The following MECOM variants were observed in gnomAD, a reference collection of about 807,000 sequenced individuals.
The protein encoded by MECOM is MDS1 and EVI1 complex locus, also known as histone-lysine N-methyltransferase MECOM.
In MECOM, 13 loss-of-function variants were observed where a neutral mutation model predicts 116.3. That is an observed-to-expected ratio of 0.11 (90% CI 0.07 to 0.18). MECOM has a LOEUF of 0.18. MECOM is among the 10% of genes least tolerant of loss of function. MECOM has a pLI of 1.00. For missense variants in MECOM, 1,299 were observed against 1,509.0 expected (o/e 0.86, Z 2.31); for synonymous variants, 528 against 535.2 (o/e 0.99, Z 0.19).
At chr3:169,427,943 G>A (rs114654258) in intron 1 of MECOM, among the ~76,000 whole-genome samples, 150 of 152,288 alleles carry the variant, frequency 9.8e-4, no homozygotes, top group Non-Finnish European at 1.9e-3. Context: ...TTAAAATGAA[G>A]TCACTAAGGT....
chr3:169,398,781 A>C (rs1735405110), intron 1 of MECOM, among the ~76,000 whole-genome samples: 1 of 152,142 alleles, frequency 6.6e-6, no homozygotes, highest in South Asian at 2.1e-4. Flanking sequence ...TAGAGGAGGA[A>C]ACTAAACCAA....
intron 2 of MECOM, among the ~76,000 whole-genome samples, chr3:169,280,054 GC>G (rs1477203835): frequency 1.3e-5 from 2 of 152,122 alleles, no homozygotes; most frequent in Non-Finnish European, 2.9e-5. Context: ...ATACAAATGG[GC>G]CAGCTAACAT....
chr3:169,239,648 A>G (rs1251799985), intron 2 of MECOM, among the ~76,000 whole-genome samples: 2 of 152,072 alleles, frequency 1.3e-5, no homozygotes, highest in Non-Finnish European at 2.9e-5. Flanking sequence ...ATAAACTAGC[A>G]AGCTTACCAT....
chr3:169,294,567 T>C (rs1715234688), intron 2 of MECOM, among the ~76,000 whole-genome samples: 2 of 152,196 alleles, frequency 1.3e-5, no homozygotes, highest in Admixed American at 1.3e-4. Flanking sequence ...CAGTCTGTTC[T>C]GTCCTCTCTC....
chr3:169,100,824 TA>T, intron 12 of MECOM, 60 bp downstream of exon 12: 1 of 968,746 alleles, frequency 1.0e-6, no homozygotes, highest in East Asian at 3.6e-5. Flanking sequence ...ATTTTATTAT[TA>T]AAATAAACTT....
intron 2 of MECOM, among the ~76,000 whole-genome samples, chr3:169,237,610 C>CAA (rs775383808): frequency 1.8e-3 from 144 of 80,494 alleles, no homozygotes; most frequent in Non-Finnish European, 2.0e-3. Context: ...GTCTCCATCA[C>CAA]AAAAAAAAAA....
At chr3:169,275,998 CT>C (rs1328204167) in intron 2 of MECOM, among the ~76,000 whole-genome samples, 3 of 152,102 alleles carry the variant, frequency 2.0e-5, no homozygotes, top group Non-Finnish European at 4.4e-5. Flanking sequence ...TCTAAGGTGC[CT>C]TTACTGATGA....
At chr3:169,332,900 G>A (rs1050782825) in intron 2 of MECOM, among the ~76,000 whole-genome samples, 3 of 152,042 alleles carry the variant, frequency 2.0e-5, no homozygotes, top group Non-Finnish European at 4.4e-5. Context: ...CCCATGCATG[G>A]AGTGACAGTG....
chr3:169,187,890 G>T (rs1746986316), intron 2 of MECOM, among the ~76,000 whole-genome samples: 1 of 152,040 alleles, frequency 6.6e-6, no homozygotes, highest in African/African-American at 2.4e-5. Context: ...GCACACTGGG[G>T]CTGTCTAACT....
chr3:169,208,971 C>G (rs1166343639), intron 2 of MECOM, among the ~76,000 whole-genome samples: 1 of 148,814 alleles, frequency 6.7e-6, no homozygotes, highest in East Asian at 2.0e-4. Flanking sequence ...ATAACTAAAA[C>G]AGCATGGTAC....
chr3:169,201,268 T>C (rs1257618183), intron 2 of MECOM, among the ~76,000 whole-genome samples: 1 of 152,026 alleles, frequency 6.6e-6, no homozygotes, highest in Non-Finnish European at 1.5e-5. Context: ...TGTGTGTGTG[T>C]GTGTGTGTGT....
chr3:169,396,657 A>G (rs539716489), intron 1 of MECOM, among the ~76,000 whole-genome samples: 58 of 152,316 alleles, frequency 3.8e-4, no homozygotes, highest in African/African-American at 1.2e-3. Flanking sequence ...GGTTTTCAAA[A>G]TATGACACCA....
chr3:169,388,839 A>G (rs1207253015), intron 1 of MECOM, among the ~76,000 whole-genome samples: 1 of 152,124 alleles, frequency 6.6e-6, no homozygotes, highest in Non-Finnish European at 1.5e-5. Context: ...CACTTTTAGT[A>G]TTTGCTACTT....
chr3:169,252,223 A>G (rs1756330232), intron 2 of MECOM, among the ~76,000 whole-genome samples: 1 of 152,174 alleles, frequency 6.6e-6, no homozygotes, highest in African/African-American at 2.4e-5. Context: ...TTATTTATTT[A>G]TATATACTAG....
At chr3:169,104,946 G>A (rs1024571107) in intron 10 of MECOM, among the ~76,000 whole-genome samples, 6 of 152,080 alleles carry the variant, frequency 3.9e-5, no homozygotes, top group Non-Finnish European at 7.4e-5. Context: ...AAGGTAATAG[G>A]AAAAAGAATA....
At chr3:169,150,624 T>C (rs1741027151) in intron 2 of MECOM, among the ~76,000 whole-genome samples, 1 of 152,214 alleles carries the variant, frequency 6.6e-6, no homozygotes, top group Non-Finnish European at 1.5e-5. Flanking sequence ...AAAACAAATG[T>C]ATAGCTTCGG....
chr3:169,480,903 G>A (rs964567109), intron 1 of MECOM, among the ~76,000 whole-genome samples: 10 of 151,596 alleles, frequency 6.6e-5, no homozygotes, highest in African/African-American at 1.9e-4. Context: ...GGGCGGGGGG[G>A]CTTGTTTGTT....
At chr3:169,523,530 G>A (rs1757600368) in intron 1 of MECOM, among the ~76,000 whole-genome samples, 1 of 151,678 alleles carries the variant, frequency 6.6e-6, no homozygotes, top group Non-Finnish European at 1.5e-5. Flanking sequence ...GTTCTGTACT[G>A]CAAATGTGCT....
At chr3:169,327,613 T>C (rs1327478491) in intron 2 of MECOM, among the ~76,000 whole-genome samples, 1 of 131,022 alleles carries the variant, frequency 7.6e-6, no homozygotes, top group Non-Finnish European at 1.5e-5. Flanking sequence ...ACTCCAGCAA[T>C]GGTGACGCAG....
Sources: allele counts gnomAD v4.1 joint callset (sites outside exome capture counted in the v4.1 genomes callset), GRCh38; gene constraint gnomAD v4.1.1; transcripts MANE v1.5; gene names NCBI Gene and HGNC (gene_info 2026-07-23, HGNC 2026-07-21).